KCNK5: variants seen among roughly 807,000 people sequenced by gnomAD.
KCNK5 encodes potassium channel subfamily K member 5.
KCNK5 carries 18 observed loss-of-function variants against 32.9 expected under a neutral mutation model. The observed-to-expected ratio is 0.55, with a 90% CI of 0.38 to 0.81. The LOEUF (loss-of-function observed/expected upper bound fraction) is 0.81, where lower values mean the gene tolerates loss of function less well. Among genes scored for constraint, KCNK5 ranks in the 30% least tolerant of loss-of-function variants. The pLI, the probability that KCNK5 is intolerant of heterozygous loss-of-function variation, is 0.00. For synonymous variants in KCNK5, 276 were observed against 275.3 expected (o/e 1.00, Z -0.03); for missense variants, 507 against 651.0 (o/e 0.78, Z 2.41).
rs562647646 is a variant in KCNK5 at position 39,194,453 on chromosome 6, C to T, written c.466-116G>A. ...GAAGCTAGCTGGGTACCCAGCCTGA[C>T]CCGGGAGGGCAAGGAGCTCTGAAAC... is the stretch of plus-strand genomic sequence containing the variant. On this transcript the variant is annotated intron_variant, in intron 3 of 4. Transcript: ENST00000359534. This position sits in a 1 kb window ranked among gnomAD's most constrained non-coding sequence, Gnocchi z 4.7. 488 of 1,426,462 alleles carry T rather than the reference C, an allele frequency of 3.4e-4. 1 individual carries two copies. The highest frequency in any genetic ancestry group is 9.2e-4 in the Admixed American group (43 of 46,690). 88.4% of individuals were successfully genotyped at this position (1,426,462 alleles called of 1,614,324 possible).
chr6:39,200,982 C>A (rs1361944935), intron 1 of KCNK5, among the ~76,000 whole-genome samples: 2 of 152,192 alleles, frequency 1.3e-5, no homozygotes, highest in African/African-American at 4.8e-5. Context: ...TAAGGGAAAC[C>A]AAAGTCAAGA....
rs565123317 is a variant in KCNK5 at position 39,197,462 on chromosome 6, C to T, written c.187-1475G>A. Among the ~76,000 whole-genome samples, 66 of 152,356 alleles carry T rather than the reference C, an allele frequency of 4.3e-4. 2 individuals are homozygous for T. Among genetic ancestry groups the T allele is most frequent in the Middle Eastern group, 3.4e-3 (1 of 294 alleles). Reference sequence around the variant, plus strand: ...CGAGGCTACGAAGGCTGTGCAGCATCAAAGTGGAAAGTGGGGACCATCGCA... The same window carrying T: ...CGAGGCTACGAAGGCTGTGCAGCATTAAAGTGGAAAGTGGGGACCATCGCA... On this transcript the variant is annotated intron_variant, in intron 1 of 4. Coordinates refer to ENST00000359534, the MANE Select transcript of KCNK5 (RefSeq NM_003740.4).
At chr6:39,226,975 AG>A (rs1470730215) in intron 1 of KCNK5, among the ~76,000 whole-genome samples, 2 of 151,940 alleles carry the variant, frequency 1.3e-5, no homozygotes, top group Non-Finnish European at 2.9e-5. Context: ...TTTTTTTGGT[AG>A]GGGGGTAAAT....
At chr6:39,215,485 G>T (rs1771415183) in intron 1 of KCNK5, among the ~76,000 whole-genome samples, 1 of 152,188 alleles carries the variant, frequency 6.6e-6, no homozygotes. Context: ...TCTGTGAATA[G>T]GTGCCTACCT....
rs187582511 is a variant in KCNK5, at chr6:39,229,179, T to G, written c.-68A>C. On this transcript the variant is annotated 5_prime_UTR_variant, in exon 1 of 5. Coordinates refer to ENST00000359534, the MANE Select transcript of KCNK5 (RefSeq NM_003740.4). ...CCAGCTGCTACCAGTCCGCCCGCCC[T>G]CCAGCCTCTGAAAACAGCTGTTTGA... 288 of 1,523,740 alleles carry G rather than the reference T, an allele frequency of 1.9e-4. 2 individuals are homozygous for G. In the East Asian group the frequency reaches 6.4e-3, roughly 34 times the overall value. 94.4% of individuals were successfully genotyped at this position (1,523,740 alleles called of 1,614,324 possible).
chr6:39,210,496 A>G (rs1583714249), intron 1 of KCNK5, among the ~76,000 whole-genome samples: 1 of 152,212 alleles, frequency 6.6e-6, no homozygotes, highest in East Asian at 1.9e-4. Context: ...GCCAGGCACC[A>G]GCTCCCCGAC....
chr6:39,213,895 G>A (rs1771383388), intron 1 of KCNK5, among the ~76,000 whole-genome samples: 1 of 152,140 alleles, frequency 6.6e-6, no homozygotes, highest in Non-Finnish European at 1.5e-5. Flanking sequence ...GTGTGGTGGT[G>A]TGGGCCTGTA....
At chr6:39,214,241 C>T (rs1167178187) in intron 1 of KCNK5, among the ~76,000 whole-genome samples, 1 of 152,136 alleles carries the variant, frequency 6.6e-6, no homozygotes, top group African/African-American at 2.4e-5. Flanking sequence ...TGGGAGCCTG[C>T]CCTGGGTTTA....
At position 39,191,597 on chromosome 6, in the gene KCNK5, C is replaced by A. The variant is rs1562049269; in HGVS notation, c.793G>T (p.Glu265Ter). Residue 265 changes from glutamate (E) to a stop codon, truncating the protein, a stop_gained, in exon 5 of 5, where the codon GAG becomes TAG. Coordinates refer to ENST00000359534, the MANE Select transcript of KCNK5 (RefSeq NM_003740.4). LOFTEE classifies it high-confidence loss of function. This position sits in a 1 kb window ranked among gnomAD's most constrained non-coding sequence, Gnocchi z 5.8. Reference protein sequence around the residue: ...AIKKRRRRRKESFESSPHSRK... With the variant: ...AIKKRRRRRK ...GAGTGTGGGGAGCTCTCAAAGGACT[C>A]CTTCCGTCGCCGCCGCCGCTTCTTA... 6.2e-6 allele frequency: 10 copies of A among 1,614,010 alleles called. No homozygotes were observed. The highest frequency in any genetic ancestry group is 8.5e-6 in the Non-Finnish European group (10 of 1,180,014).
At chr6:39,205,858 C>A (rs553067186) in intron 1 of KCNK5, among the ~76,000 whole-genome samples, 2 of 152,284 alleles carry the variant, frequency 1.3e-5, no homozygotes, top group South Asian at 4.1e-4. Context: ...GGGCCCCTGG[C>A]ACATTGTCCT....
chr6:39,207,658 T>G (rs1771254178), intron 1 of KCNK5, among the ~76,000 whole-genome samples: 1 of 151,412 alleles, frequency 6.6e-6, no homozygotes. Flanking sequence ...GGGTGGGGGG[T>G]AGGAGCTGAG....
chr6:39,209,981 C>T (rs1463838219), intron 1 of KCNK5, among the ~76,000 whole-genome samples: 3 of 152,134 alleles, frequency 2.0e-5, no homozygotes, highest in Non-Finnish European at 4.4e-5. Context: ...GAGATGCTCC[C>T]GATGCATGAA....
At position 39,194,252 on chromosome 6, in the gene KCNK5, A is replaced by G; in HGVS notation, c.551T>C (p.Val184Ala). 6.2e-7 allele frequency: 1 copy of G among 1,614,040 alleles called. No individual in the cohort carries two copies. The highest frequency in any genetic ancestry group is 8.5e-7 in the Non-Finnish European group (1 of 1,179,956). Residue 184 changes from valine to alanine, a missense_variant, in exon 4 of 5, where the codon GTG (valine) becomes GCG (alanine). Transcript: ENST00000359534. The surrounding 1 kb of genome is among the most constrained non-coding windows in gnomAD (Gnocchi z 4.7). ...HLVIPPFVFM[V>A]TEGWNYIEGL... ...CTCGATGTAGTTCCACCCCTCAGTC[A>G]CCATGAATACGAAGGGTGGGATCAC... is the stretch of plus-strand genomic sequence containing the variant.
chr6:39,228,846 T>C, intron 1 of KCNK5, 80 bp downstream of exon 1: 1 of 1,405,206 alleles, frequency 7.1e-7, no homozygotes, highest in Admixed American at 1.8e-5. Flanking sequence ...CACCCAAAGC[T>C]GTGAAGGGGT....
At chr6:39,218,324 C>T (rs1248824676) in intron 1 of KCNK5, among the ~76,000 whole-genome samples, 3 of 152,148 alleles carry the variant, frequency 2.0e-5, no homozygotes, top group Non-Finnish European at 2.9e-5. Flanking sequence ...CCGCCTAGGC[C>T]TCCCGAAGTG....
At chr6:39,215,300 C>T (rs1039349426) in intron 1 of KCNK5, among the ~76,000 whole-genome samples, 1 of 152,156 alleles carries the variant, frequency 6.6e-6, no homozygotes, top group Non-Finnish European at 1.5e-5. Context: ...ATCCCCTTGG[C>T]GAGAGGCAGC....
intron 1 of KCNK5, among the ~76,000 whole-genome samples, chr6:39,209,313 C>T (rs1041644459): frequency 2.6e-5 from 4 of 152,184 alleles, no homozygotes; most frequent in Admixed American, 2.6e-4. Flanking sequence ...TACCCCTGCC[C>T]TCACCATCCA....
chr6:39,208,306 A>C (rs1219065626), intron 1 of KCNK5, among the ~76,000 whole-genome samples: 3 of 152,120 alleles, frequency 2.0e-5, no homozygotes, highest in Admixed American at 2.0e-4. Flanking sequence ...ACCCCTATGA[A>C]GTAAGCTCCC....
chr6:39,192,092 G>C (rs57500036), intron 4 of KCNK5, among the ~76,000 whole-genome samples: 1 of 151,856 alleles, frequency 6.6e-6, no homozygotes, highest in Non-Finnish European at 1.5e-5. Flanking sequence ...TCAGGAGTTC[G>C]AAACCAGTCT....
Sources: gnomAD v4.1 joint callset for allele counts (sites outside exome capture counted in the v4.1 genomes callset) on GRCh38, gnomAD v4.1.1 for gene constraint, Gnocchi (gnomAD v3.1) non-coding constraint, MANE v1.5 for transcripts, NCBI Gene and HGNC (gene_info 2026-07-23, HGNC 2026-07-21) for gene names.